ENTREP2: variants seen among roughly 807,000 people sequenced by gnomAD.
ENTREP2 encodes the protein endosomal transmembrane epsin interactor 2.
the ENTREP2 span, among the ~76,000 whole-genome samples, chr15:29,410,244 A>C: frequency 1.3e-5 from 2 of 152,170 alleles, no homozygotes; most frequent in African/African-American, 4.8e-5. Context: ...TGGCATACTT[A>C]GTTCATCTCC....
chr15:29,501,787 T>C, the ENTREP2 span, among the ~76,000 whole-genome samples: 1 of 152,020 alleles, frequency 6.6e-6, no homozygotes, highest in African/African-American at 2.4e-5. Context: ...CCCTAAATAA[T>C]AAACACACAT....
the ENTREP2 span, among the ~76,000 whole-genome samples, chr15:29,655,380 G>A: frequency 1.3e-5 from 2 of 152,276 alleles, no homozygotes; most frequent in East Asian, 3.9e-4. Flanking sequence ...CACCTATATT[G>A]ACTCAGCTCC....
chr15:29,469,597 G>GTTGAA, the ENTREP2 span, among the ~76,000 whole-genome samples: 1 of 152,128 alleles, frequency 6.6e-6, no homozygotes, highest in Non-Finnish European at 1.5e-5. Flanking sequence ...GGGAGTTGGT[G>GTTGAA]TTGAATGACT....
the ENTREP2 span, among the ~76,000 whole-genome samples, chr15:29,438,831 T>A: frequency 6.6e-6 from 1 of 152,122 alleles, no homozygotes; most frequent in African/African-American, 2.4e-5. Flanking sequence ...ATGCATGCCA[T>A]GAGACAGAGG....
At chr15:29,259,893 AAGTTG>A in the ENTREP2 span, among the ~76,000 whole-genome samples, 11 of 152,166 alleles carry the variant, frequency 7.2e-5, no homozygotes, top group African/African-American at 2.7e-4. Flanking sequence ...GTACAAATTG[AAGTTG>A]AGTTCAGTTA....
the ENTREP2 span, among the ~76,000 whole-genome samples, chr15:29,382,391 G>A: frequency 6.6e-6 from 1 of 151,962 alleles, no homozygotes; most frequent in African/African-American, 2.4e-5. Flanking sequence ...GGCTCCTTCT[G>A]CCCTATACAC....
At chr15:29,206,241 G>C in the ENTREP2 span, among the ~76,000 whole-genome samples, 1 of 152,148 alleles carries the variant, frequency 6.6e-6, no homozygotes, top group Non-Finnish European at 1.5e-5. Flanking sequence ...CCTGGCAGAA[G>C]AGACAAGGCA....
the ENTREP2 span, chr15:29,376,385 A>G: frequency 2.6e-5 from 4 of 152,172 alleles, no homozygotes; most frequent in Non-Finnish European, 5.9e-5. Context: ...CCAGCATAAT[A>G]TAGAACCCGT....
the ENTREP2 span, among the ~76,000 whole-genome samples, chr15:29,328,214 G>C: frequency 2.0e-5 from 3 of 152,174 alleles, no homozygotes; most frequent in Non-Finnish European, 4.4e-5. Flanking sequence ...CCAATGACAT[G>C]GCATTCTGGA....
the ENTREP2 span, among the ~76,000 whole-genome samples, chr15:29,647,140 T>C: frequency 6.6e-6 from 1 of 152,204 alleles, no homozygotes; most frequent in Admixed American, 6.5e-5. Flanking sequence ...CCATGACTCT[T>C]GAAACTGTAG....
chr15:29,129,807 G>A, the ENTREP2 span, among the ~76,000 whole-genome samples: 1 of 152,130 alleles, frequency 6.6e-6, no homozygotes. Flanking sequence ...TCCCGGATGC[G>A]ATGTTTGGAT....
At chr15:29,294,837 G>C in the ENTREP2 span, among the ~76,000 whole-genome samples, 1 of 152,318 alleles carries the variant, frequency 6.6e-6, no homozygotes, top group Non-Finnish European at 1.5e-5. Context: ...GCATTCTAGA[G>C]GCACAGGTCA....
At chr15:29,143,867 T>C in the ENTREP2 span, among the ~76,000 whole-genome samples, 1 of 152,122 alleles carries the variant, frequency 6.6e-6, no homozygotes, top group South Asian at 2.1e-4. Flanking sequence ...CAGTGAGCAG[T>C]AAAGCTTCTA....
the ENTREP2 span, among the ~76,000 whole-genome samples, chr15:29,172,995 C>T: frequency 8.5e-5 from 13 of 152,218 alleles, no homozygotes; most frequent in African/African-American, 3.1e-4. Flanking sequence ...CCCTGGCTGG[C>T]ACCCTCTGCA....
the ENTREP2 span, among the ~76,000 whole-genome samples, chr15:29,523,500 T>C: frequency 6.7e-6 from 1 of 150,324 alleles, no homozygotes; most frequent in South Asian, 2.1e-4. Context: ...ATTGTTTGGA[T>C]GGCAATATTC....
chr15:29,213,545 T>G, the ENTREP2 span, among the ~76,000 whole-genome samples: 1 of 152,174 alleles, frequency 6.6e-6, no homozygotes, highest in African/African-American at 2.4e-5. Flanking sequence ...TTATTCTCTT[T>G]GAAGCAATTG....
the ENTREP2 span, among the ~76,000 whole-genome samples, chr15:29,479,596 C>T: frequency 1.3e-5 from 2 of 150,646 alleles, no homozygotes; most frequent in Non-Finnish European, 2.9e-5. Flanking sequence ...ATAGCTTTGG[C>T]TGCAATTCTC....
the ENTREP2 span, among the ~76,000 whole-genome samples, chr15:29,662,211 C>CAAA: frequency 2.4e-3 from 112 of 46,818 alleles, no homozygotes; most frequent in Non-Finnish European, 3.0e-3. Context: ...AACCCTGTCG[C>CAAA]AAAAAAAAAA....
At chr15:29,641,475 C>T in the ENTREP2 span, among the ~76,000 whole-genome samples, 14 of 152,034 alleles carry the variant, frequency 9.2e-5, no homozygotes, top group Admixed American at 5.2e-4. Context: ...TTTCAGGATA[C>T]AAGATCAATA....
Sources: allele counts gnomAD v4.1 joint callset (sites outside exome capture counted in the v4.1 genomes callset), GRCh38; gene constraint gnomAD v4.1.1; transcripts MANE v1.5; gene names NCBI Gene and HGNC (gene_info 2026-07-23, HGNC 2026-07-21).